Variants in NRG2 observed in about 807,000 individuals in gnomAD.
The protein encoded by NRG2 is neuregulin 2.
A neutral mutation model predicts 73.9 loss-of-function variants in NRG2; 27 were observed. The ratio of observed to expected loss-of-function variants is 0.37; its 90% confidence interval spans 0.27 to 0.50. NRG2 has a LOEUF of 0.50. NRG2 is among the 20% of genes least tolerant of loss of function. The pLI, the probability that NRG2 is intolerant of heterozygous loss-of-function variation, is 0.96. For synonymous variants in NRG2, 532 were observed against 541.0 expected (o/e 0.98, Z 0.23); for missense variants, 1,126 against 1,210.1 (o/e 0.93, Z 1.03).
chr5:139,977,669 C>T (rs1050975244), intron 1 of NRG2, among the ~76,000 whole-genome samples: 1 of 151,792 alleles, frequency 6.6e-6, no homozygotes, highest in East Asian at 1.9e-4. Flanking sequence ...AAGCTGGAGG[C>T]ATCACACTAC....
At chr5:139,917,229 ATTACT>A (rs1275621548) in intron 1 of NRG2, among the ~76,000 whole-genome samples, 1 of 152,152 alleles carries the variant, frequency 6.6e-6, no homozygotes, top group East Asian at 1.9e-4. Flanking sequence ...TGGAAAGTAC[ATTACT>A]TTATTGTCAT....
At chr5:139,989,542 C>T (rs1011993483) in intron 1 of NRG2, among the ~76,000 whole-genome samples, 1 of 151,976 alleles carries the variant, frequency 6.6e-6, no homozygotes. Flanking sequence ...TATAAGAGTT[C>T]CTAAATACAC....
chr5:139,874,765 C>A (rs1295876248), intron 3 of NRG2, among the ~76,000 whole-genome samples: 1 of 152,194 alleles, frequency 6.6e-6, no homozygotes, highest in Non-Finnish European at 1.5e-5. Flanking sequence ...CTGGGCTTCA[C>A]CACCTCTCCC....
chr5:139,888,409 G>A (rs988998074), intron 1 of NRG2, among the ~76,000 whole-genome samples: 8 of 152,208 alleles, frequency 5.3e-5, no homozygotes, highest in Non-Finnish European at 8.8e-5. Context: ...GATTTGCCAC[G>A]TGTTAGGCTG....
chr5:139,962,833 T>C (rs6891100), intron 1 of NRG2, among the ~76,000 whole-genome samples: 29,690 of 152,158 alleles, frequency 0.2, 3,399 homozygotes, highest in African/African-American at 0.32. Context: ...CTCAAGAGGT[T>C]GCCTACTCTG....
chr5:139,873,584 C>T (rs1405358439), intron 3 of NRG2, among the ~76,000 whole-genome samples: 3 of 152,250 alleles, frequency 2.0e-5, no homozygotes, highest in Non-Finnish European at 2.9e-5. Flanking sequence ...CCCATCAGCA[C>T]CCAGGCTTGA....
In NRG2 at chr5:139,922,813, A is replaced by T. The variant is rs570293483; in HGVS notation, c.701-35302T>A. Among the ~76,000 whole-genome samples the T allele has an allele frequency of 2.5e-4, 38 of 152,340 alleles. No homozygotes were observed. The South Asian group carries it at 7.5e-3, about 30-fold the overall frequency. ...TCAAGCCATGAAAAGACATGGAGGA[A>T]ACTTAAATGTATATTACTAAGTGAA... On this transcript the variant is annotated intron_variant, in intron 1 of 9. Coordinates refer to ENST00000361474, the MANE Select transcript of NRG2 (RefSeq NM_004883.3).
chr5:139,955,352 G>C (rs991880864), intron 1 of NRG2, among the ~76,000 whole-genome samples: 18 of 152,104 alleles, frequency 1.2e-4, no homozygotes, highest in African/African-American at 4.1e-4. Flanking sequence ...GAGCAGCAGC[G>C]GCAGAGGCCC....
At chr5:139,966,964 T>A (rs1432387421) in intron 1 of NRG2, among the ~76,000 whole-genome samples, 1 of 151,688 alleles carries the variant, frequency 6.6e-6, no homozygotes, top group African/African-American at 2.4e-5. Flanking sequence ...GAAACAGGGG[T>A]CATGCAGGCC....
chr5:139,863,824 A>T (rs1467004673), intron 5 of NRG2, among the ~76,000 whole-genome samples: 2 of 152,092 alleles, frequency 1.3e-5, no homozygotes, highest in Admixed American at 6.5e-5. Flanking sequence ...CCCACACTCT[A>T]TTAAGATAGT....
intron 1 of NRG2, among the ~76,000 whole-genome samples, chr5:139,959,651 C>T (rs1280681300): frequency 1.3e-5 from 2 of 152,036 alleles, no homozygotes; most frequent in Middle Eastern, 6.8e-3. Context: ...GCTGGGATTA[C>T]AGGCATGGGC....
In NRG2 at chr5:140,042,460, G is replaced by T. The variant is rs761579480; in HGVS notation, c.610C>A (p.Pro204Thr). The T allele has an allele frequency of 8.7e-6, 14 of 1,612,970 alleles. No homozygotes were observed. In the East Asian group the frequency reaches 2.7e-4, roughly 31 times the overall value. ...YIFFLEPTEQ[P>T]LVFKTAFAPL... ...GCAAAGGCCGTCTTAAAGACTAAGG[G>T]CTGTTCCGTGGGCTCCAGGAAAAAG... Residue 204 changes from proline (P) to threonine (T), a missense_variant, in exon 1 of 10, where the codon CCC (proline) becomes ACC (threonine). Coordinates refer to ENST00000361474, the MANE Select transcript of NRG2 (RefSeq NM_004883.3).
In NRG2 at chr5:139,855,507, A is replaced by G. The variant is rs1432947836; in HGVS notation, c.1292+169T>C. Among the ~76,000 whole-genome samples, 3 of 152,028 alleles carry G rather than the reference A, an allele frequency of 2.0e-5. No individual in the cohort carries two copies. In the East Asian group the frequency reaches 5.8e-4, roughly 29 times the overall value. On this transcript the variant is annotated intron_variant, in intron 6 of 9. Transcript: ENST00000361474. ...CCTCTGCCTCTACTTCTTGGTCCAG[A>G]TCTTTGGCTCGACACCCACCCAGCT...
intron 1 of NRG2, among the ~76,000 whole-genome samples, chr5:139,978,031 T>C (rs1170457764): frequency 6.6e-6 from 1 of 152,150 alleles, no homozygotes; most frequent in Non-Finnish European, 1.5e-5. Context: ...GACATAGACA[T>C]GGGCAAGGAC....
intron 5 of NRG2, among the ~76,000 whole-genome samples, chr5:139,859,210 G>A (rs1761985379): frequency 6.6e-6 from 1 of 152,166 alleles, no homozygotes; most frequent in Non-Finnish European, 1.5e-5. Context: ...GAGGACATAT[G>A]TAAGATTCTG....
In NRG2 at chr5:139,982,351, C is replaced by A. The variant is rs150381956; in HGVS notation, c.700+60019G>T. 6.6e-3 allele frequency among the ~76,000 whole-genome samples: 1,007 copies of A among 152,170 alleles called. 6 individuals carry two copies. The highest frequency in any genetic ancestry group is 0.015 in the Admixed American group (229 of 15,282). On this transcript the variant is annotated intron_variant, in intron 1 of 9. Coordinates refer to ENST00000361474, the MANE Select transcript of NRG2 (RefSeq NM_004883.3). ...CCTCACTCCTAAAGCTGCTCCTTTC[C>A]ACCTCCCTGCCCTCTTTACGGTGGA...
At chr5:139,961,547 C>T (rs1382318535) in intron 1 of NRG2, among the ~76,000 whole-genome samples, 2 of 152,210 alleles carry the variant, frequency 1.3e-5, no homozygotes, top group Non-Finnish European at 2.9e-5. Flanking sequence ...ACAGCAACCC[C>T]GTAGGGGCTG....
At chr5:140,023,909 A>G (rs1443710449) in intron 1 of NRG2, among the ~76,000 whole-genome samples, 4 of 152,202 alleles carry the variant, frequency 2.6e-5, no homozygotes, top group African/African-American at 9.7e-5. Context: ...AATATCAAAG[A>G]GACCAAGCAG....
At chr5:139,962,499 C>T (rs1423181866) in intron 1 of NRG2, among the ~76,000 whole-genome samples, 1 of 152,120 alleles carries the variant, frequency 6.6e-6, no homozygotes, top group Non-Finnish European at 1.5e-5. Context: ...AGAATCAGGT[C>T]TGACAAGGTT....
Sources: allele counts gnomAD v4.1 joint callset (sites outside exome capture counted in the v4.1 genomes callset), GRCh38; gene constraint gnomAD v4.1.1; transcripts MANE v1.5; gene names NCBI Gene and HGNC (gene_info 2026-07-23, HGNC 2026-07-21).